The following ZFHX3 variants were observed in gnomAD, a reference collection of about 807,000 sequenced individuals.
ZFHX3 encodes zinc finger homeobox 3.
ZFHX3 carries 42 observed loss-of-function variants against 279.1 expected under a neutral mutation model. The observed-to-expected ratio is 0.15, with a 90% CI of 0.12 to 0.19. ZFHX3 has a LOEUF of 0.19. Ranked by LOEUF, ZFHX3 falls within the 10% of genes least tolerant of loss-of-function variation. The probability of loss-of-function intolerance (pLI) is 1.00; values close to 1 mark genes in which losing one functional copy is unlikely to be tolerated. For synonymous variants in ZFHX3, 2,293 were observed against 1,957.8 expected (o/e 1.17, Z -4.52); for missense variants, 4,981 against 4,754.0 (o/e 1.05, Z -1.40).
intron 2 of ZFHX3, among the ~76,000 whole-genome samples, chr16:73,547,993 C>A (rs1488064643): frequency 6.6e-6 from 1 of 152,188 alleles, no homozygotes; most frequent in Non-Finnish European, 1.5e-5. Flanking sequence ...TGAAAACTTG[C>A]AGAACCCCAT....
At chr16:73,184,568 G>T (rs1043978292) in intron 5 of ZFHX3, among the ~76,000 whole-genome samples, 8 of 152,174 alleles carry the variant, frequency 5.3e-5, no homozygotes, top group African/African-American at 1.9e-4. Context: ...TGTGGGGCAG[G>T]TGGAGAGTCA....
chr16:73,478,753 A>AGAT (rs1438284652), intron 2 of ZFHX3, among the ~76,000 whole-genome samples: 3 of 152,092 alleles, frequency 2.0e-5, no homozygotes, highest in Admixed American at 6.6e-5. Flanking sequence ...ACCACTCCCC[A>AGAT]GATAAAACCC....
chr16:72,907,545 TTGTGTGTGTGTGTGTGTGTGTGTGTGTG>T lies in ZFHX3; in HGVS notation c.3217-17611_3217-17584del, dbSNP rs547618913. ...CTCGGTTTCCAAAGGTTTCCTCTATTTGTGTGTGTGTGTGTGTGTGTGTGTGTGTGTGTGTGTGTGTGTGTGTGTGTGT... is the reference window on the plus strand; with the variant it reads ...CTCGGTTTCCAAAGGTTTCCTCTATTTGTGTGTGTGTGTGTGTGTGTGTGT... On this transcript the variant is annotated intron_variant, in intron 3 of 9. Transcript: ENST00000268489. Among the ~76,000 whole-genome samples the T allele has an allele frequency of 1.1e-4, 13 of 120,480 alleles. No individual in the cohort carries two copies. The South Asian group carries it at 1.3e-3, about 12-fold the overall frequency. The allele number at this position is 120,480 out of a possible 152,430, so 79.0% of individuals were successfully genotyped here.
chr16:73,599,012 C>T (rs1291014995), intron 2 of ZFHX3, among the ~76,000 whole-genome samples: 1 of 152,240 alleles, frequency 6.6e-6, no homozygotes, highest in Non-Finnish European at 1.5e-5. Flanking sequence ...CCACCTGCCT[C>T]AGCCTCCCAA....
At chr16:73,023,286 CT>C in intron 1 of ZFHX3, among the ~76,000 whole-genome samples, 1 of 152,284 alleles carries the variant, frequency 6.6e-6, no homozygotes, top group Non-Finnish European at 1.5e-5. Context: ...CATCTACAGG[CT>C]AGGTTTTGCC....
intron 4 of ZFHX3, among the ~76,000 whole-genome samples, chr16:72,873,288 T>C (rs1349640458): frequency 6.6e-6 from 1 of 152,238 alleles, no homozygotes; most frequent in Non-Finnish European, 1.5e-5. Flanking sequence ...CCTAATGTTT[T>C]CAATGCAAGA....
At chr16:72,827,429 G>A (rs1442845409) in intron 5 of ZFHX3, among the ~76,000 whole-genome samples, 1 of 152,082 alleles carries the variant, frequency 6.6e-6, no homozygotes, top group Non-Finnish European at 1.5e-5. Flanking sequence ...GCACAGAAAG[G>A]TCAAGGTACC....
At chr16:73,735,609 G>C (rs1416217153) in intron 1 of ZFHX3, among the ~76,000 whole-genome samples, 1 of 152,114 alleles carries the variant, frequency 6.6e-6, no homozygotes, top group African/African-American at 2.4e-5. Context: ...CTGTACATTT[G>C]AGAACACCAC....
chr16:73,026,466 G>A (rs1597107716), intron 1 of ZFHX3, among the ~76,000 whole-genome samples: 1 of 152,008 alleles, frequency 6.6e-6, no homozygotes, highest in Admixed American at 6.5e-5. Flanking sequence ...GAGGTTAGGA[G>A]TTCGAGACCA....
chr16:73,447,370 CA>C (rs2143550759), intron 3 of ZFHX3, among the ~76,000 whole-genome samples: 1 of 152,158 alleles, frequency 6.6e-6, no homozygotes, highest in African/African-American at 2.4e-5. Flanking sequence ...TGGTGTACCA[CA>C]ACGCTGCTTT....
rs1384534416 is a variant in ZFHX3, at chr16:72,786,565, CAAAAA to C, written c.*594_*598del. The stretch of plus-strand genomic sequence containing the variant: ...TCTGCCCATTTTTAAGTTAACAAAA[CAAAAA>C]ATCTTTTCTGGAACAAAAAAAAAAA... On this transcript the variant is annotated 3_prime_UTR_variant, in exon 10 of 10. Coordinates refer to ENST00000268489, the MANE Select transcript of ZFHX3 (RefSeq NM_006885.4). 1 of 53,920 alleles carries C rather than the reference CAAAAA, an allele frequency of 1.9e-5. No homozygotes were observed. Among genetic ancestry groups the C allele is most frequent in the East Asian group, 4.7e-4 (1 of 2,138 alleles). 3.3% of individuals were successfully genotyped at this position (53,920 alleles called of 1,614,324 possible).
chr16:73,085,120 A>C (rs1006237379), intron 8 of ZFHX3, among the ~76,000 whole-genome samples: 2 of 152,242 alleles, frequency 1.3e-5, no homozygotes, highest in African/African-American at 4.8e-5. Flanking sequence ...GAGGCACTGC[A>C]CTACCTGACT....
At chr16:73,595,803 C>A (rs1462997214) in intron 2 of ZFHX3, among the ~76,000 whole-genome samples, 1 of 152,074 alleles carries the variant, frequency 6.6e-6, no homozygotes, top group East Asian at 1.9e-4. Flanking sequence ...CCGAACTAGG[C>A]ATTTGGTTAC....
intron 1 of ZFHX3, among the ~76,000 whole-genome samples, chr16:73,868,110 C>T (rs1211826672): frequency 6.6e-6 from 1 of 152,164 alleles, no homozygotes; most frequent in Non-Finnish European, 1.5e-5. Context: ...AATAAATCCC[C>T]GTTCGTTAAA....
At chr16:73,568,409 A>G (rs2020479898) in intron 2 of ZFHX3, among the ~76,000 whole-genome samples, 1 of 152,146 alleles carries the variant, frequency 6.6e-6, no homozygotes, top group Admixed American at 6.5e-5. Flanking sequence ...GCCTTGTCTT[A>G]GCACACCTGC....
chr16:73,498,386 G>A (rs985041480), intron 2 of ZFHX3, among the ~76,000 whole-genome samples: 3 of 152,210 alleles, frequency 2.0e-5, no homozygotes, highest in Non-Finnish European at 4.4e-5. Context: ...GTGTGCGCAT[G>A]TGTGTATATG....
chr16:73,533,121 T>C (rs1200845529), intron 2 of ZFHX3, among the ~76,000 whole-genome samples: 1 of 152,078 alleles, frequency 6.6e-6, no homozygotes, highest in Admixed American at 6.6e-5. Context: ...TCAGTGTGCT[T>C]ATCTATCCAT....
At chr16:73,606,223 G>T in intron 2 of ZFHX3, among the ~76,000 whole-genome samples, 1 of 143,002 alleles carries the variant, frequency 7.0e-6, no homozygotes, top group African/African-American at 2.7e-5. Flanking sequence ...AAAAATCCAT[G>T]CTAGGCTGGC....
chr16:73,134,044 T>C (rs940576238), intron 6 of ZFHX3, among the ~76,000 whole-genome samples: 1 of 152,192 alleles, frequency 6.6e-6, no homozygotes, highest in African/African-American at 2.4e-5. Flanking sequence ...TACGCCTATA[T>C]CTAATATTCA....
Sources: allele counts gnomAD v4.1 joint callset (sites outside exome capture counted in the v4.1 genomes callset), GRCh38; gene constraint gnomAD v4.1.1; transcripts MANE v1.5; gene names NCBI Gene and HGNC (gene_info 2026-07-23, HGNC 2026-07-21).